The following RXFP1 variants were observed in gnomAD, a reference collection of about 807,000 sequenced individuals.
The protein encoded by RXFP1 is relaxin receptor 1.
Under a neutral mutation model 89.8 loss-of-function variants are expected in RXFP1, and 73 were observed. The ratio of observed to expected loss-of-function variants is 0.81; its 90% CI spans 0.67 to 0.99. The LOEUF is 0.99. Among genes scored for constraint, RXFP1 ranks in the 50% least tolerant of loss-of-function variants. RXFP1 has a pLI of 0.00. For missense variants in RXFP1, 793 were observed against 895.5 expected, an observed-to-expected ratio of 0.89 and a Z score of 1.46; for synonymous variants, 277 against 305.5, an observed-to-expected ratio of 0.91 and a Z score of 0.97.
intron 2 of RXFP1, among the ~76,000 whole-genome samples, chr4:158,593,100 C>A (rs865907472): frequency 2.2e-3 from 245 of 109,734 alleles, no homozygotes; most frequent in Middle Eastern, 8.2e-3. Context: ...AAAAAAAAAA[C>A]AAAAACAAAC....
In RXFP1 at chr4:158,647,199, T is replaced by C. The variant is rs769039142; in HGVS notation, c.1754T>C (p.Leu585Pro). ...CAGATTTATTCAGTGGCAATTTTTCTTGGTAAGAAACTAAGAAACTAATGT... is the reference window on the plus strand; with the variant it reads ...CAGATTTATTCAGTGGCAATTTTTCCTGGTAAGAAACTAAGAAACTAATGT... ...GAQIYSVAIF[L>P]GINLAAFIII... Residue 585 changes from leucine to proline, a missense_variant and splice_region_variant, in exon 16 of 18, where the codon CTT (leucine) becomes CCT (proline). Leu to Pro is a moderately conservative substitution (Grantham distance 98, BLOSUM62 -3). Transcript: ENST00000307765. The C allele has an allele frequency of 2.6e-6, 4 of 1,558,220 alleles. No homozygotes were observed. Among genetic ancestry groups the C allele is most frequent in the Non-Finnish European group, 3.5e-6 (4 of 1,156,360 alleles).
At chr4:158,554,731 T>A (rs1263825538) in intron 1 of RXFP1, among the ~76,000 whole-genome samples, 1 of 151,010 alleles carries the variant, frequency 6.6e-6, no homozygotes. Context: ...AAAAAAAAAA[T>A]AGGTGTATTG....
intron 14 of RXFP1, among the ~76,000 whole-genome samples, chr4:158,643,656 A>T (rs1460123722): frequency 2.0e-5 from 3 of 151,740 alleles, no homozygotes; most frequent in Non-Finnish European, 4.4e-5. Context: ...TATTTTTAGT[A>T]GAGACGGGTT....
intron 1 of RXFP1, among the ~76,000 whole-genome samples, chr4:158,553,113 C>T (rs1353204023): frequency 2.0e-5 from 3 of 152,058 alleles, no homozygotes; most frequent in East Asian, 1.9e-4. Context: ...CACCTGAGCC[C>T]AGGGGTTTGA....
chr4:158,633,651 C>T (rs896118379), intron 12 of RXFP1, among the ~76,000 whole-genome samples, 175 bp downstream of exon 12: 4 of 152,170 alleles, frequency 2.6e-5, no homozygotes, highest in African/African-American at 9.7e-5. Context: ...TTTCATGTTG[C>T]AAAACTGAAA....
intron 11 of RXFP1, among the ~76,000 whole-genome samples, chr4:158,630,254 A>G (rs1375148333): frequency 6.6e-6 from 1 of 152,204 alleles, no homozygotes; most frequent in Non-Finnish European, 1.5e-5. Flanking sequence ...GTCAGTACCA[A>G]TCATTCACAA....
intron 5 of RXFP1, chr4:158,607,211 C>T (rs1762691852): frequency 2.0e-6 from 2 of 1,011,752 alleles, no homozygotes; most frequent in Non-Finnish European, 3.0e-6. Flanking sequence ...TTTCCTTTGA[C>T]CTCCAGTTAA....
intron 1 of RXFP1, among the ~76,000 whole-genome samples, chr4:158,529,320 G>A (rs978598710): frequency 1.5e-4 from 23 of 151,810 alleles, no homozygotes; most frequent in African/African-American, 5.1e-4. Context: ...GTGCAGTGGT[G>A]TGATCACAGC....
chr4:158,615,941 G>A (rs1764480308), intron 8 of RXFP1, among the ~76,000 whole-genome samples: 1 of 151,886 alleles, frequency 6.6e-6, no homozygotes, highest in African/African-American at 2.4e-5. Flanking sequence ...AACAAGGCAA[G>A]ACCCTGACTC....
chr4:158,637,338 G>T (rs1263586815), intron 12 of RXFP1, among the ~76,000 whole-genome samples: 1 of 152,092 alleles, frequency 6.6e-6, no homozygotes, highest in African/African-American at 2.4e-5. Flanking sequence ...CATAATGGTT[G>T]TACTAATTTA....
intron 8 of RXFP1, among the ~76,000 whole-genome samples, chr4:158,616,490 T>A: frequency 6.7e-6 from 1 of 148,526 alleles, no homozygotes; most frequent in East Asian, 1.9e-4. Context: ...TTAATCTTGG[T>A]AAAGAAAAAA....
intron 9 of RXFP1, among the ~76,000 whole-genome samples, chr4:158,620,843 G>A (rs777847333): frequency 7.9e-5 from 12 of 152,168 alleles, no homozygotes; most frequent in South Asian, 4.1e-4. Context: ...ATCTTTGGCC[G>A]GGCATGGTGG....
intron 5 of RXFP1, chr4:158,607,212 C>T: frequency 1.0e-6 from 1 of 959,102 alleles, no homozygotes; most frequent in Admixed American, 2.0e-5. Flanking sequence ...TTCCTTTGAC[C>T]TCCAGTTAAC....
At chr4:158,647,939 G>A (rs953466047) in intron 16 of RXFP1, among the ~76,000 whole-genome samples, 27 of 151,236 alleles carry the variant, frequency 1.8e-4, no homozygotes, top group African/African-American at 5.8e-4. Context: ...TTGCTTGAAC[G>A]CAGAAGGCAG....
intron 11 of RXFP1, among the ~76,000 whole-genome samples, chr4:158,631,630 G>A (rs931078326): frequency 2.0e-5 from 3 of 152,136 alleles, no homozygotes; most frequent in Non-Finnish European, 2.9e-5. Context: ...GAGGAATGAC[G>A]TTTGAATGAA....
intron 1 of RXFP1, among the ~76,000 whole-genome samples, chr4:158,557,158 T>C (rs1231188111): frequency 6.6e-6 from 1 of 152,210 alleles, no homozygotes; most frequent in Non-Finnish European, 1.5e-5. Context: ...TTGTATAACA[T>C]AGATATATAT....
At chr4:158,551,621 AC>A (rs1277991766) in intron 1 of RXFP1, among the ~76,000 whole-genome samples, 2 of 152,204 alleles carry the variant, frequency 1.3e-5, no homozygotes, top group Non-Finnish European at 2.9e-5. Context: ...AATATGTACA[AC>A]TTTTATTTCT....
At chr4:158,562,548 A>AAAAAAAAAAAAAAC (rs1752705656) in intron 1 of RXFP1, among the ~76,000 whole-genome samples, 1 of 148,662 alleles carries the variant, frequency 6.7e-6, no homozygotes, top group Non-Finnish European at 1.5e-5. Flanking sequence ...AAAAAAAAAA[A>AAAAAAAAAAAAAAC]AAATACACAT....
intron 1 of RXFP1, among the ~76,000 whole-genome samples, chr4:158,570,943 TTAAC>T (rs1162831639): frequency 6.6e-6 from 1 of 152,018 alleles, no homozygotes; most frequent in Non-Finnish European, 1.5e-5. Flanking sequence ...CCTCACCACT[TTAAC>T]TACCACCACC....
Sources: allele counts gnomAD v4.1 joint callset (sites outside exome capture counted in the v4.1 genomes callset), GRCh38; gene constraint gnomAD v4.1.1; transcripts MANE v1.5; gene names NCBI Gene and HGNC (gene_info 2026-07-23, HGNC 2026-07-21).